RUNDC1: variants seen among roughly 807,000 people sequenced by gnomAD.
RUNDC1 encodes RUN domain containing 1, also known as RUN domain-containing protein 1.
RUNDC1 carries 31 observed loss-of-function variants against 49.3 expected under a neutral mutation model. The ratio of observed to expected loss-of-function variants is 0.63; its 90% confidence interval spans 0.47 to 0.85. The LOEUF (loss-of-function observed/expected upper bound fraction) is 0.85, where lower values mean the gene tolerates loss of function less well. RUNDC1 is among the 40% of genes least tolerant of loss of function. The pLI, the probability that RUNDC1 is intolerant of heterozygous loss-of-function variation, is 0.00. For synonymous variants in RUNDC1, 347 were observed against 348.6 expected (o/e 1.00, Z 0.05); for missense variants, 715 against 806.7 (o/e 0.89, Z 1.38).
chr17:42,984,540 A>C (rs960096260), intron 1 of RUNDC1, among the ~76,000 whole-genome samples: 3 of 151,960 alleles, frequency 2.0e-5, no homozygotes, highest in African/African-American at 7.3e-5. Flanking sequence ...CTCAACCCCA[A>C]ATATTTTAAA....
Position 42,994,355 on chromosome 17 carries a change from A to G in RUNDC1, c.*2639A>G, listed in dbSNP as rs1225210691. 6.6e-6 allele frequency among the ~76,000 whole-genome samples: 1 copy of G among 152,208 alleles called. No homozygotes were observed. The highest frequency in any genetic ancestry group is 1.9e-4 in the East Asian group (1 of 5,198). On this transcript the variant is annotated 3_prime_UTR_variant, in exon 5 of 5. Transcript: ENST00000361677. ...TCTAATTAAATTCTCACTACTTACAAAGTGGGACAGTATTATCCCCACTTT... is the reference window on the plus strand; with the variant it reads ...TCTAATTAAATTCTCACTACTTACAGAGTGGGACAGTATTATCCCCACTTT...
intron 3 of RUNDC1, among the ~76,000 whole-genome samples, chr17:42,989,970 C>A (rs1352503669): frequency 6.6e-6 from 1 of 152,146 alleles, no homozygotes; most frequent in Admixed American, 6.6e-5. Flanking sequence ...ATTTAAGAGG[C>A]TTGATGGCTT....
intron 1 of RUNDC1, among the ~76,000 whole-genome samples, chr17:42,983,973 C>T (rs1043356955): frequency 2.7e-5 from 4 of 150,762 alleles, no homozygotes; most frequent in African/African-American, 7.3e-5. Context: ...TGTGAGCCAC[C>T]GTGCCCGGCC....
chr17:42,980,944 T>C lies in RUNDC1; in HGVS notation c.368T>C (p.Leu123Pro), dbSNP rs1452550054. 1.3e-6 allele frequency: 2 copies of C among 1,540,258 alleles called. No individual in the cohort carries two copies. The highest frequency in any genetic ancestry group is 1.9e-5 in the Admixed American group (1 of 52,118). The change falls in exon 1 of 5, where the codon CTG becomes CCG. Residue 123 changes from leucine to proline, a missense_variant. By Grantham distance (98) the Leu-to-Pro change is moderately conservative (BLOSUM62 -3). Transcript: ENST00000361677. ...RGAPAEQQRL[L>P]RELEDFAFRG... ...GCGCCGGCGGAGCAGCAGCGCCTTC[T>C]GCGGGAGCTCGAAGACTTCGCCTTC...
Position 42,981,091 on chromosome 17 carries a change from G to T in RUNDC1, c.498+17G>T, listed in dbSNP as rs763598952. 6.5e-7 allele frequency: 1 copy of T among 1,549,624 alleles called. No individual in the cohort carries two copies. The highest frequency in any genetic ancestry group is 1.2e-5 in the South Asian group (1 of 85,762). On this transcript the variant is annotated intron_variant, in intron 1 of 4. Coordinates refer to ENST00000361677, the MANE Select transcript of RUNDC1 (RefSeq NM_173079.5). ...GAGGACCAGGTGAGTGGCTGGAGCC[G>T]GGCCGCGAGGAATATGGGAATAGTG...
intron 1 of RUNDC1, among the ~76,000 whole-genome samples, chr17:42,985,209 G>A (rs1047252181): frequency 1.3e-5 from 2 of 152,148 alleles, no homozygotes; most frequent in South Asian, 4.1e-4. Flanking sequence ...ATTCAGTTCA[G>A]TAACATACAA....
Position 42,980,664 on chromosome 17 carries a change from G to C in RUNDC1, c.88G>C (p.Glu30Gln). Residue 30 changes from glutamate (E) to glutamine (Q), a missense_variant, in exon 1 of 5, where the codon GAG becomes CAG. Physicochemically the swap from Glu to Gln is conservative, Grantham distance 29. This residue lies in a region of RUNDC1 where 153 missense variants were observed against 139.4 expected (regional missense o/e 1.10). Transcript: ENST00000361677. ...GAAAGACGAAGAGGAGGAGGAAGAG[G>C]AGCCGCTGCCACCGTGCGAGGCGGT... ...KAKDEEEEEE[E>Q]PLPPCEAVRW... 1 of 1,588,472 alleles carries C rather than the reference G, an allele frequency of 6.3e-7. No individual in the cohort carries two copies. Among genetic ancestry groups the C allele is most frequent in the Non-Finnish European group, 8.5e-7 (1 of 1,170,370 alleles).
At chr17:42,987,008 C>T (rs2050180460) in intron 1 of RUNDC1, among the ~76,000 whole-genome samples, 1 of 152,098 alleles carries the variant, frequency 6.6e-6, no homozygotes, top group African/African-American at 2.4e-5. Context: ...TAACAAAAAG[C>T]CTCATTGTAT....
intron 1 of RUNDC1, among the ~76,000 whole-genome samples, chr17:42,986,075 A>G (rs913198361): frequency 2.0e-5 from 3 of 151,770 alleles, no homozygotes; most frequent in Admixed American, 6.6e-5. Context: ...ACAAAGCTCA[A>G]TGCAGCCTCA....
Position 42,980,747 on chromosome 17 carries a change from A to C in RUNDC1, c.171A>C (p.Leu57Phe), listed in dbSNP as rs1474982417. Residue 57 changes from leucine (L) to phenylalanine (F), a missense_variant, in exon 1 of 5, where the codon TTA becomes TTC. This residue lies in a region of RUNDC1 where 153 missense variants were observed against 139.4 expected (regional missense o/e 1.10). Coordinates refer to ENST00000361677, the MANE Select transcript of RUNDC1 (RefSeq NM_173079.5). ...CCCGGCCTGGGGCAACCGCGTTTTTAGAAGAGGCGACGGCCGAGGAGCCTG... is the reference window on the plus strand; with the variant it reads ...CCCGGCCTGGGGCAACCGCGTTTTTCGAAGAGGCGACGGCCGAGGAGCCTG... ...AEARPGATAFLEEATAEEPGA... is the reference protein window; with the variant it reads ...AEARPGATAFFEEATAEEPGA... The C allele has an allele frequency of 6.6e-7, 1 of 1,523,082 alleles. No homozygotes were observed. Among genetic ancestry groups the C allele is most frequent in the Non-Finnish European group, 8.8e-7 (1 of 1,139,628 alleles). The allele number at this position is 1,523,082 out of a possible 1,614,324, so 94.3% of individuals were successfully genotyped here.
rs1353232384 is a variant in RUNDC1, at chr17:42,989,389, G to A, written c.706G>A (p.Asp236Asn). Residue 236 changes from aspartate (D) to asparagine (N), a missense_variant, in exon 3 of 5, where the codon GAC (aspartate) becomes AAC (asparagine). Asp to Asn is a conservative substitution (Grantham distance 23). This residue lies in a region of RUNDC1 where 425 missense variants were observed against 499.7 expected (regional missense o/e 0.85). Transcript: ENST00000361677. ...GAAACTGGACATGAATCTGAATGAG[G>A]ACATCAGTTCCCTGTCCACTGAAGA... ...IKKLDMNLNEDISSLSTEELR... is the reference protein window; with the variant it reads ...IKKLDMNLNENISSLSTEELR... 1.2e-6 allele frequency: 2 copies of A among 1,614,048 alleles called. No individual in the cohort carries two copies. The highest frequency in any genetic ancestry group is 1.7e-6 in the Non-Finnish European group (2 of 1,179,984).
In RUNDC1 at chr17:42,980,727, C is replaced by G. The variant is rs2050064805; in HGVS notation, c.151C>G (p.Pro51Ala). The change falls in exon 1 of 5, where the codon CCT becomes GCT. Residue 51 changes from proline (P) to alanine (A), a missense_variant. By Grantham distance (27) the Pro-to-Ala change is conservative. Coordinates refer to ENST00000361677, the MANE Select transcript of RUNDC1 (RefSeq NM_173079.5). ...APVGAVAEAR[P>A]GATAFLEEAT... is the part of the protein sequence containing the mutation. ...AGTGGGGGCGGTGGCGGAGGCCCGG[C>G]CTGGGGCAACCGCGTTTTTAGAAGA... 1 of 1,535,210 alleles carries G rather than the reference C, an allele frequency of 6.5e-7. No individual in the cohort carries two copies. The highest frequency in any genetic ancestry group is 1.4e-5 in the African/African-American group (1 of 71,764).
intron 1 of RUNDC1, chr17:42,981,435 C>G (rs930333903): frequency 8.4e-6 from 2 of 238,952 alleles, no homozygotes; most frequent in African/African-American, 4.5e-5. Flanking sequence ...ACTTTGGCTG[C>G]TAGAGGACCC....
Position 42,993,647 on chromosome 17 carries a change from C to T in RUNDC1, c.*1931C>T, listed in dbSNP as rs1269716858. The T allele has an allele frequency of 8.5e-5, 13 of 152,110 alleles. No individual in the cohort carries two copies. Among genetic ancestry groups the T allele is most frequent in the Admixed American group, 8.5e-4 (13 of 15,250 alleles). The allele number at this position is 152,110 out of a possible 1,614,324, so 9.4% of individuals were successfully genotyped here. A position where few individuals can be genotyped will look rare whatever the true frequency, so the allele number is the denominator to read the frequency against. ...AGCTTTGGTTTATAAGTGTTTGGGC[C>T]TTATCAGCCCATCTGATCCAGATCA... is the stretch of plus-strand genomic sequence containing the variant. On this transcript the variant is annotated 3_prime_UTR_variant, in exon 5 of 5. Transcript: ENST00000361677.
Position 42,991,479 on chromosome 17 carries a change from C to G in RUNDC1, c.1605C>G (p.Asp535Glu). Residue 535 changes from aspartate (D) to glutamate (E), a missense_variant, in exon 5 of 5, where the codon GAC (aspartate) becomes GAG (glutamate). Physicochemically the swap from Asp to Glu is conservative, Grantham distance 45 (BLOSUM62 2). This residue lies in a region of RUNDC1 where 425 missense variants were observed against 499.7 expected (regional missense o/e 0.85). Transcript: ENST00000361677. The stretch of plus-strand genomic sequence containing the variant: ...ATGACCCTTTTAAGCGCAGTGCAGA[C>G]TCAGAATTGAAGGCCTTGGTGTGCA... ...TEHDPFKRSA[D>E]SELKALVCMA... The G allele has an allele frequency of 6.2e-7, 1 of 1,614,212 alleles. No homozygotes were observed. Among genetic ancestry groups the G allele is most frequent in the Non-Finnish European group, 8.5e-7 (1 of 1,180,050 alleles).
chr17:42,982,731 T>C (rs2050117490), intron 1 of RUNDC1, among the ~76,000 whole-genome samples: 1 of 150,234 alleles, frequency 6.7e-6, no homozygotes, highest in Admixed American at 6.7e-5. Context: ...CCTAGCACTT[T>C]GGGAGGCCAA....
At chr17:42,987,769 T>C (rs183678384) in intron 2 of RUNDC1, among the ~76,000 whole-genome samples, 90 of 152,340 alleles carry the variant, frequency 5.9e-4, no homozygotes, top group Admixed American at 1.0e-3. Flanking sequence ...ATTTTGTTTT[T>C]GAGGTGGAGT....
intron 3 of RUNDC1, 134 bp from the exon 4 acceptor site, chr17:42,990,183 C>T: frequency 8.4e-7 from 1 of 1,185,594 alleles, no homozygotes; most frequent in Non-Finnish European, 1.2e-6. Flanking sequence ...TGCCAGTCCT[C>T]ATTTTACACA....
In RUNDC1 at chr17:42,980,852, G is replaced by A; in HGVS notation, c.276G>A (p.Ser92=). Residue 92 remains serine, a synonymous_variant, in exon 1 of 5, where the codon TCG becomes TCA. Coordinates refer to ENST00000361677, the MANE Select transcript of RUNDC1 (RefSeq NM_173079.5). ...RLRAERRRLD[S]ALLALSSHFA... ...GGGCAGAGCGGCGGCGGCTGGACTC[G>A]GCGCTGCTGGCGCTGTCCTCGCACT... is the stretch of plus-strand genomic sequence containing the variant. 1 of 1,409,424 alleles carries A rather than the reference G, an allele frequency of 7.1e-7. No homozygotes were observed. The highest frequency in any genetic ancestry group is 3.0e-5 in the East Asian group (1 of 32,868). The allele number at this position is 1,409,424 out of a possible 1,614,324, so 87.3% of individuals were successfully genotyped here.
Sources: allele counts gnomAD v4.1 joint callset (sites outside exome capture counted in the v4.1 genomes callset), GRCh38; gene constraint gnomAD v4.1.1; regional missense constraint gnomAD v4.1.1; transcripts MANE v1.5; gene names NCBI Gene and HGNC (gene_info 2026-07-23, HGNC 2026-07-21).